The following NOL4L variants were observed in gnomAD, a reference collection of about 807,000 sequenced individuals.
NOL4L encodes the protein nucleolar protein 4 like.
Under a neutral mutation model 64.5 loss-of-function variants are expected in NOL4L, and 7 were observed. That is an observed-to-expected ratio of 0.11 (90% CI 0.06 to 0.20). NOL4L has a LOEUF of 0.20. Ranked by LOEUF, NOL4L falls within the 10% of genes least tolerant of loss-of-function variation. NOL4L has a pLI of 1.00. For synonymous variants in NOL4L, 413 were observed against 401.0 expected, an observed-to-expected ratio of 1.03 and a Z score of -0.36; for missense variants, 680 against 967.1, an observed-to-expected ratio of 0.70 and a Z score of 3.94.
chr20:32,491,356 G>A (rs1456876788), intron 4 of NOL4L, among the ~76,000 whole-genome samples: 2 of 152,196 alleles, frequency 1.3e-5, no homozygotes, highest in Non-Finnish European at 2.9e-5. Flanking sequence ...GTGTTCATGA[G>A]GTGGAAAGGT....
chr20:32,466,468 C>G (rs537645840), intron 5 of NOL4L, among the ~76,000 whole-genome samples: 5 of 152,330 alleles, frequency 3.3e-5, no homozygotes, highest in Admixed American at 6.5e-5. Context: ...CCGCCTGCGG[C>G]CCAGCTGATG....
chr20:32,569,934 G>C (rs1979658282), intron 1 of NOL4L, among the ~76,000 whole-genome samples: 1 of 152,216 alleles, frequency 6.6e-6, no homozygotes, highest in Non-Finnish European at 1.5e-5. Flanking sequence ...CTGCAGCCCT[G>C]TATCATTTGC....
chr20:32,502,043 G>T (rs1304728957), intron 4 of NOL4L, among the ~76,000 whole-genome samples: 2 of 152,150 alleles, frequency 1.3e-5, no homozygotes, highest in Non-Finnish European at 2.9e-5. Flanking sequence ...GATGGAGGAA[G>T]GAGAAATAAT....
At chr20:32,496,926 G>A (rs1205653015) in intron 4 of NOL4L, among the ~76,000 whole-genome samples, 1 of 152,078 alleles carries the variant, frequency 6.6e-6, no homozygotes, top group Non-Finnish European at 1.5e-5. Flanking sequence ...AGCAGCAGCT[G>A]TGCTGTGTGC....
At chr20:32,529,623 AGAGCAGATGGG>A (rs1253017166) in intron 1 of NOL4L, among the ~76,000 whole-genome samples, 1 of 152,228 alleles carries the variant, frequency 6.6e-6, no homozygotes, top group Non-Finnish European at 1.5e-5. Context: ...TCAAGAGCAG[AGAGCAGATGGG>A]GGGCAAAGGG....
intron 5 of NOL4L, among the ~76,000 whole-genome samples, chr20:32,461,246 C>T (rs2014018377): frequency 6.6e-6 from 1 of 152,186 alleles, no homozygotes; most frequent in African/African-American, 2.4e-5. Flanking sequence ...GGCTCACCCA[C>T]CCGCCCCAGC....
intron 2 of NOL4L, among the ~76,000 whole-genome samples, chr20:32,523,398 C>A (rs1357883760): frequency 2.0e-5 from 3 of 152,126 alleles, no homozygotes; most frequent in Non-Finnish European, 4.4e-5. Context: ...GATGACAAAC[C>A]CTCCCCCTGC....
At chr20:32,525,638 A>C (rs759350558) in intron 2 of NOL4L, among the ~76,000 whole-genome samples, 1 of 152,202 alleles carries the variant, frequency 6.6e-6, no homozygotes, top group Admixed American at 6.5e-5. Flanking sequence ...TCTGTCACCC[A>C]GGCTGGAGTG....
At chr20:32,571,224 G>A (rs1262279941) in intron 1 of NOL4L, among the ~76,000 whole-genome samples, 2 of 152,190 alleles carry the variant, frequency 1.3e-5, no homozygotes, top group Non-Finnish European at 2.9e-5. Flanking sequence ...GTCTCGCTCT[G>A]TCGCCCAGGC....
At chr20:32,486,567 T>G in intron 4 of NOL4L, 1 of 371,578 alleles carries the variant, frequency 2.7e-6, no homozygotes, top group Admixed American at 3.6e-5. Context: ...CATGGGACTC[T>G]GGTTTGCCAT....
intron 10 of NOL4L, among the ~76,000 whole-genome samples, chr20:32,450,679 G>C (rs2012802453): frequency 6.6e-6 from 1 of 152,152 alleles, no homozygotes; most frequent in African/African-American, 2.4e-5. Flanking sequence ...GTCATGCTGG[G>C]TGGACACCAG....
chr20:32,471,067 C>T (rs550710107), intron 5 of NOL4L, among the ~76,000 whole-genome samples: 47 of 152,320 alleles, frequency 3.1e-4, no homozygotes, highest in African/African-American at 1.1e-3. Context: ...TCTGGGAGAC[C>T]AAGACTCGCA....
chr20:32,479,706 C>A (rs998109598), intron 4 of NOL4L, among the ~76,000 whole-genome samples: 1 of 152,164 alleles, frequency 6.6e-6, no homozygotes, highest in Admixed American at 6.5e-5. Context: ...CCTTGCCCAC[C>A]CAGCAATCAT....
chr20:32,485,176 C>G (rs912316056), intron 4 of NOL4L, among the ~76,000 whole-genome samples: 2 of 150,912 alleles, frequency 1.3e-5, no homozygotes, highest in African/African-American at 4.9e-5. Context: ...TGACTCTTTA[C>G]GCTACCATTC....
intron 4 of NOL4L, among the ~76,000 whole-genome samples, chr20:32,489,894 C>T (rs2016385634): frequency 1.3e-5 from 2 of 151,862 alleles, no homozygotes; most frequent in South Asian, 2.1e-4. Context: ...TTTGCGAAGC[C>T]GAGGTGGGCA....
At position 32,456,334 on chromosome 20, in the gene NOL4L, C is replaced by T. The variant is rs376418117; in HGVS notation, c.903G>A (p.Ser301=). 4.0e-5 allele frequency: 62 copies of T among 1,546,568 alleles called. No homozygotes were observed. Among genetic ancestry groups the T allele is most frequent in the Non-Finnish European group, 4.5e-5 (51 of 1,142,932 alleles). Residue 301 remains serine (S), a synonymous_variant, in exon 6 of 11, where the codon TCG becomes TCA. Transcript: ENST00000621426. ...NGSSTLNPST[S]SSTQGDPAFP... is the part of the protein sequence containing the mutation. ...AGGCAGGGTCGCCCTGCGTGCTGCT[C>T]GACGTGGATGGGTTCAGGGTGGAGG...
intron 1 of NOL4L, among the ~76,000 whole-genome samples, chr20:32,529,447 A>G (rs1468573259): frequency 6.6e-6 from 1 of 152,196 alleles, no homozygotes; most frequent in Non-Finnish European, 1.5e-5. Flanking sequence ...GATGGCACAG[A>G]TGGCTTCAGA....
intron 1 of NOL4L, chr20:32,536,955 G>A (rs2018553088): frequency 6.4e-6 from 4 of 627,622 alleles, no homozygotes; most frequent in Non-Finnish European, 7.9e-6. Context: ...GACCGCGCCC[G>A]CGCGGGCCCC....
At chr20:32,549,248 T>G (rs758312537) in intron 1 of NOL4L, among the ~76,000 whole-genome samples, 1 of 152,136 alleles carries the variant, frequency 6.6e-6, no homozygotes, top group Non-Finnish European at 1.5e-5. Flanking sequence ...ACAGAAAAGA[T>G]TCTTAAAACT....
Sources: allele counts gnomAD v4.1 joint callset (sites outside exome capture counted in the v4.1 genomes callset), GRCh38; gene constraint gnomAD v4.1.1; transcripts MANE v1.5; gene names NCBI Gene and HGNC (gene_info 2026-07-23, HGNC 2026-07-21).